The following GLMN variants were observed in gnomAD, a reference collection of about 807,000 sequenced individuals.
GLMN encodes glomulin, FKBP associated protein.
Under a neutral mutation model 87.8 loss-of-function variants are expected in GLMN, and 75 were observed. The ratio of observed to expected loss-of-function variants is 0.85; its 90% CI spans 0.71 to 1.04. The LOEUF (loss-of-function observed/expected upper bound fraction) is 1.04, where lower values mean the gene tolerates loss of function less well. GLMN is among the 50% of genes least tolerant of loss of function. The pLI is 0.00. For synonymous variants in GLMN, 206 were observed against 221.6 expected (o/e 0.93, Z 0.63); for missense variants, 588 against 658.8 (o/e 0.89, Z 1.18).
chr1:92,365,634 A>C, the GLMN span, among the ~76,000 whole-genome samples: 15 of 152,314 alleles, frequency 9.8e-5, no homozygotes, highest in East Asian at 2.9e-3. Flanking sequence ...TAAAATCGTT[A>C]ATAGTTTGAA....
chr1:92,247,455 G>GCCTATA (rs1269091153), intron 17 of GLMN, among the ~76,000 whole-genome samples: 2 of 152,088 alleles, frequency 1.3e-5, no homozygotes, highest in African/African-American at 4.8e-5. Flanking sequence ...TTCCGGTAAT[G>GCCTATA]CCTATAAAAG....
chr1:92,262,796 G>A (rs1459318245), intron 16 of GLMN, 67 bp downstream of exon 16: 1 of 740,926 alleles, frequency 1.3e-6, no homozygotes, highest in Non-Finnish European at 2.5e-6. Flanking sequence ...TTTAGGTACT[G>A]AATATCTGAA....
the GLMN span, among the ~76,000 whole-genome samples, chr1:92,353,230 A>G: frequency 4.6e-5 from 7 of 152,174 alleles, no homozygotes; most frequent in African/African-American, 1.7e-4. Flanking sequence ...TTGCTGGGTC[A>G]TATGATAACT....
chr1:92,301,603 T>A (rs370748104), upstream of GLMN: 112 of 1,126,744 alleles, frequency 9.9e-5, no homozygotes, highest in Non-Finnish European at 1.4e-4. Flanking sequence ...ATGTGTTAAG[T>A]TGACAAATTA....
the GLMN span, among the ~76,000 whole-genome samples, chr1:92,309,838 C>G: frequency 6.6e-6 from 1 of 152,124 alleles, no homozygotes; most frequent in Middle Eastern, 3.4e-3. Flanking sequence ...ATTTGGGAAA[C>G]GAGAAGATAA....
At chr1:92,366,927 A>G in the GLMN span, among the ~76,000 whole-genome samples, 1 of 152,182 alleles carries the variant, frequency 6.6e-6, no homozygotes, top group Admixed American at 6.5e-5. Flanking sequence ...TTAATCCTTG[A>G]TCATTTACCA....
chr1:92,360,520 T>C, the GLMN span, among the ~76,000 whole-genome samples: 1 of 152,128 alleles, frequency 6.6e-6, no homozygotes, highest in South Asian at 2.1e-4. Context: ...TTTGAGCATT[T>C]TGGTAGCAGA....
At chr1:92,259,232 G>A (rs143422901) in intron 16 of GLMN, among the ~76,000 whole-genome samples, 93 of 152,104 alleles carry the variant, frequency 6.1e-4, no homozygotes, top group African/African-American at 2.0e-3. Context: ...ATTGTAATTC[G>A]AAACAACTAA....
intron 16 of GLMN, 126 bp from the exon 17 acceptor site, chr1:92,248,115 CTATT>C (rs1557499658): frequency 6.2e-6 from 4 of 644,376 alleles, no homozygotes; most frequent in Non-Finnish European, 1.1e-5. Flanking sequence ...ATGGACTTCA[CTATT>C]TAATAATTAT....
At chr1:92,294,096 A>G (rs1649752300) in intron 3 of GLMN, among the ~76,000 whole-genome samples, 1 of 152,184 alleles carries the variant, frequency 6.6e-6, no homozygotes. Flanking sequence ...TTTAAAGTAA[A>G]TGAGTATAAT....
chr1:92,309,629 A>G, the GLMN span, among the ~76,000 whole-genome samples: 1 of 151,740 alleles, frequency 6.6e-6, no homozygotes, highest in South Asian at 2.1e-4. Flanking sequence ...ATACACATAT[A>G]CAAGTATAAA....
the GLMN span, among the ~76,000 whole-genome samples, chr1:92,306,822 G>A: frequency 6.6e-6 from 1 of 152,082 alleles, no homozygotes; most frequent in African/African-American, 2.4e-5. Context: ...AATTTAATAA[G>A]TGAATGAAGT....
At chr1:92,363,062 C>T in the GLMN span, among the ~76,000 whole-genome samples, 1 of 151,936 alleles carries the variant, frequency 6.6e-6, no homozygotes, top group African/African-American at 2.4e-5. Context: ...ACTCCTTCTC[C>T]AGGGGGAAAA....
the GLMN span, chr1:92,336,555 A>G: frequency 1.6e-6 from 1 of 626,078 alleles, no homozygotes; most frequent in Non-Finnish European, 2.8e-6. Context: ...ACAGTATTCT[A>G]TTTTCTCCTC....
the GLMN span, among the ~76,000 whole-genome samples, chr1:92,314,526 G>C: frequency 6.6e-6 from 1 of 152,266 alleles, no homozygotes; most frequent in East Asian, 1.9e-4. Flanking sequence ...AAGGCCGGTG[G>C]ATCACTTGAG....
At chr1:92,306,860 C>A in the GLMN span, among the ~76,000 whole-genome samples, 1 of 151,948 alleles carries the variant, frequency 6.6e-6, no homozygotes, top group East Asian at 1.9e-4. Flanking sequence ...CAATATTATT[C>A]CATTCAAAAA....
At position 92,290,165 on chromosome 1, in the gene GLMN, C is replaced by T. The variant is rs144332449; in HGVS notation, c.394+33G>A. The stretch of plus-strand genomic sequence containing the variant: ...ACCATCAAGGCATTTAGAGATACAA[C>T]AAGAAGTACTCTGATATCAAAATTC... On this transcript the variant is annotated intron_variant, in intron 5 of 18. Coordinates refer to ENST00000370360, the MANE Select transcript of GLMN (RefSeq NM_053274.3). The T allele has an allele frequency of 8.4e-5, 99 of 1,183,088 alleles. No homozygotes were observed. The African/African-American group carries it at 1.2e-3, about 15-fold the overall frequency. The allele number at this position is 1,183,088 out of a possible 1,614,324, so 73.3% of individuals were successfully genotyped here.
At chr1:92,348,255 TTCTC>T in the GLMN span, among the ~76,000 whole-genome samples, 1 of 152,216 alleles carries the variant, frequency 6.6e-6, no homozygotes, top group Admixed American at 6.5e-5. Flanking sequence ...CTTGCATCCC[TTCTC>T]TCTTTCGTTA....
At chr1:92,271,723 C>G in intron 7 of GLMN, 71 bp from the exon 8 acceptor site, 4 of 1,008,578 alleles carry the variant, frequency 4.0e-6, no homozygotes, top group Non-Finnish European at 6.3e-6. Context: ...TGTATTCAAA[C>G]TCCACATTCT....
Sources: allele counts gnomAD v4.1 joint callset (sites outside exome capture counted in the v4.1 genomes callset), GRCh38; gene constraint gnomAD v4.1.1; transcripts MANE v1.5; gene names NCBI Gene and HGNC (gene_info 2026-07-23, HGNC 2026-07-21).